KATNIP: variants seen among roughly 807,000 people sequenced by gnomAD.
The protein encoded by KATNIP is katanin interacting protein, also known as katanin-interacting protein.
A neutral mutation model predicts 174.0 loss-of-function variants in KATNIP; 126 were observed. That is an observed-to-expected ratio of 0.72 (90% CI 0.63 to 0.84). The LOEUF (loss-of-function observed/expected upper bound fraction) is 0.84. Ranked by LOEUF, KATNIP falls within the 40% of genes least tolerant of loss-of-function variation. The pLI is 0.00. For missense variants in KATNIP, 1,958 were observed against 2,109.7 expected (o/e 0.93, Z 1.41); for synonymous variants, 810 against 835.7 (o/e 0.97, Z 0.53).
At chr16:27,581,421 G>T (rs1392669669) in intron 2 of KATNIP, among the ~76,000 whole-genome samples, 4 of 151,894 alleles carry the variant, frequency 2.6e-5, no homozygotes, top group Non-Finnish European at 5.9e-5. Flanking sequence ...TTTCCCCCAG[G>T]TTATCTTGTA....
At chr16:27,630,460 A>C (rs1468891513) in intron 4 of KATNIP, among the ~76,000 whole-genome samples, 1 of 152,202 alleles carries the variant, frequency 6.6e-6, no homozygotes, top group Admixed American at 6.5e-5. Flanking sequence ...GATTCCTGAA[A>C]TGGTTTCCTA....
At chr16:27,680,246 G>A (rs1053512527) in intron 7 of KATNIP, among the ~76,000 whole-genome samples, 1 of 152,186 alleles carries the variant, frequency 6.6e-6, no homozygotes, top group Non-Finnish European at 1.5e-5. Flanking sequence ...GGTGTTAGGC[G>A]CACCTGCGGG....
At chr16:27,696,986 C>T (rs1219183814) in intron 8 of KATNIP, among the ~76,000 whole-genome samples, 2 of 152,156 alleles carry the variant, frequency 1.3e-5, no homozygotes, top group African/African-American at 4.8e-5. Context: ...ACCTCGACCT[C>T]CCAAAGCGCT....
intron 12 of KATNIP, among the ~76,000 whole-genome samples, chr16:27,705,950 T>G (rs115137483): frequency 6.2e-4 from 94 of 152,244 alleles, no homozygotes; most frequent in African/African-American, 2.2e-3. Flanking sequence ...AATGCTGGGA[T>G]TACAGCTGTG....
chr16:27,749,700 A>T lies in KATNIP; in HGVS notation c.2740A>T (p.Ile914Phe). 2 of 1,613,608 alleles carry T rather than the reference A, an allele frequency of 1.2e-6. No homozygotes were observed. Among genetic ancestry groups the T allele is most frequent in the Non-Finnish European group, 8.5e-7 (1 of 1,179,806 alleles). ...CTTCGACCGCTCCCACCGGGGACGC[A>T]TCTCCAACACGGAGCTCCCGGGGGA... The part of the protein sequence containing the change: ...SAFDRSHRGR[I>F]SNTELPGDIL... The change falls in exon 16 of 28, where the codon ATC becomes TTC. Residue 914 changes from isoleucine (I) to phenylalanine (F), a missense_variant. Physicochemically the swap from Ile to Phe is conservative, Grantham distance 21 (BLOSUM62 0). This residue lies in a region of KATNIP where 1,557 missense variants were observed against 1,617.8 expected (regional missense o/e 0.96). Transcript: ENST00000261588.
chr16:27,709,962 A>G (rs2079499357), intron 13 of KATNIP, among the ~76,000 whole-genome samples: 1 of 152,300 alleles, frequency 6.6e-6, no homozygotes, highest in South Asian at 2.1e-4. Context: ...CCAAGTTCAT[A>G]TCGGGCAGCC....
chr16:27,609,632 C>T (rs113918488), intron 2 of KATNIP, among the ~76,000 whole-genome samples: 2,265 of 150,926 alleles, frequency 0.015, 30 homozygotes, highest in Admixed American at 0.023. Flanking sequence ...CCTCGTGATC[C>T]GCCCACCTCA....
At chr16:27,601,616 G>A (rs772086758) in intron 2 of KATNIP, among the ~76,000 whole-genome samples, 8 of 152,134 alleles carry the variant, frequency 5.3e-5, no homozygotes, top group African/African-American at 1.9e-4. Context: ...GCGCCCGGCC[G>A]GCAATGACCT....
chr16:27,651,911 G>A (rs1388087580), intron 6 of KATNIP, among the ~76,000 whole-genome samples: 2 of 152,138 alleles, frequency 1.3e-5, no homozygotes, highest in Non-Finnish European at 2.9e-5. Flanking sequence ...GTAGAGATGG[G>A]GTTTCACCAT....
Position 27,701,696 on chromosome 16 carries a change from G to A in KATNIP, c.1286+1G>A, listed in dbSNP as rs776585377. 4 of 1,590,218 alleles carry A rather than the reference G, an allele frequency of 2.5e-6. No individual in the cohort carries two copies. The highest frequency in any genetic ancestry group is 3.4e-6 in the Non-Finnish European group (4 of 1,167,484). ...ACAGAATTGGGCTTCTGGGAAGCAG[G>A]TACTACTAAGGCTGAGGCCAAACCC... On this transcript the variant is annotated splice_donor_variant, in intron 11 of 27. Transcript: ENST00000261588. LOFTEE classifies it high-confidence loss of function.
rs755501453 is a variant in KATNIP at position 27,740,291 on chromosome 16, CATT to C, written c.1996_1998del (p.Leu666del). 6 of 1,614,250 alleles carry C rather than the reference CATT, an allele frequency of 3.7e-6. No homozygotes were observed. The East Asian group carries it at 1.1e-4, about 30-fold the overall frequency. ...CTCGGTTGCTCACCGCCAGCTGAAA[CATT>C]AGCGGATGCAAAGCTTTCTTCACAA... On this transcript the variant is annotated inframe_deletion, in exon 15 of 28. Transcript: ENST00000261588.
intron 14 of KATNIP, among the ~76,000 whole-genome samples, chr16:27,739,630 T>C (rs1217992395): frequency 6.6e-6 from 1 of 152,156 alleles, no homozygotes; most frequent in Admixed American, 6.5e-5. Context: ...AACACTGCTA[T>C]AGGCTGTGAA....
At chr16:27,700,003 C>G (rs1398520130) in intron 10 of KATNIP, among the ~76,000 whole-genome samples, 1 of 152,082 alleles carries the variant, frequency 6.6e-6, no homozygotes, top group Non-Finnish European at 1.5e-5. Context: ...CTCTGCCTCC[C>G]GGGTTCAAGT....
intron 1 of KATNIP, among the ~76,000 whole-genome samples, chr16:27,556,978 A>G (rs1034635579): frequency 6.6e-6 from 1 of 152,074 alleles, no homozygotes. Flanking sequence ...AAGTCGGCCC[A>G]TAATGTTTTG....
intron 1 of KATNIP, among the ~76,000 whole-genome samples, chr16:27,567,336 A>G (rs918138616): frequency 6.6e-6 from 1 of 152,228 alleles, no homozygotes; most frequent in Non-Finnish European, 1.5e-5. Context: ...ATCATTCAAA[A>G]ATAAAAATAA....
rs1026056270 is a variant in KATNIP at position 27,691,962 on chromosome 16, C to T, written c.941-6366C>T. Among the ~76,000 whole-genome samples the T allele has an allele frequency of 6.6e-5, 10 of 152,328 alleles. 1 individual carries two copies. Among genetic ancestry groups the T allele is most frequent in the African/African-American group, 2.4e-4 (10 of 41,582 alleles). ...TGCTCACAGGTCATGAGACGAGCTT[C>T]CAAGCTATCTCAGAGGCCTCTTGTT... On this transcript the variant is annotated intron_variant, in intron 8 of 27. Transcript: ENST00000261588.
At chr16:27,692,936 AG>A in intron 8 of KATNIP, among the ~76,000 whole-genome samples, 1 of 152,310 alleles carries the variant, frequency 6.6e-6, no homozygotes, top group East Asian at 1.9e-4. Context: ...TTTCTGCGTT[AG>A]GGGCGAGGGT....
At chr16:27,703,437 T>C (rs374236883) in intron 11 of KATNIP, among the ~76,000 whole-genome samples, 2 of 152,236 alleles carry the variant, frequency 1.3e-5, no homozygotes, top group Non-Finnish European at 2.9e-5. Flanking sequence ...GTCAGCAAAT[T>C]GTTGCTATAA....
chr16:27,685,559 A>G (rs1020049370), intron 8 of KATNIP, among the ~76,000 whole-genome samples: 2 of 152,132 alleles, frequency 1.3e-5, no homozygotes, highest in Non-Finnish European at 2.9e-5. Context: ...CAAAAAATGC[A>G]TGTCACTGGG....
Sources: allele counts gnomAD v4.1 joint callset (sites outside exome capture counted in the v4.1 genomes callset), GRCh38; gene constraint gnomAD v4.1.1; regional missense constraint gnomAD v4.1.1; transcripts MANE v1.5; gene names NCBI Gene and HGNC (gene_info 2026-07-23, HGNC 2026-07-21).